MYOM2: variants seen among roughly 807,000 people sequenced by gnomAD.
MYOM2 encodes myomesin-2.
A neutral mutation model predicts 187.6 loss-of-function variants in MYOM2; 254 were observed. That is an observed-to-expected ratio of 1.35 (90% CI 1.22 to 1.50). The LOEUF is 1.50. MYOM2 is among the 40% of genes most tolerant of loss of function. The pLI is 0.00. For missense variants in MYOM2, 2,796 were observed against 1,924.0 expected (o/e 1.45, Z -8.48); for synonymous variants, 981 against 753.8 (o/e 1.30, Z -4.94).
At chr8:2,126,336 G>A (rs1464030994) in intron 31 of MYOM2, among the ~76,000 whole-genome samples, 4 of 151,464 alleles carry the variant, frequency 2.6e-5, no homozygotes, top group Admixed American at 6.6e-5. Context: ...TGGAAGAAGT[G>A]GAAGGCATGT....
chr8:2,122,779 T>A (rs1797500832), intron 28 of MYOM2, among the ~76,000 whole-genome samples: 1 of 152,242 alleles, frequency 6.6e-6, no homozygotes, highest in Non-Finnish European at 1.5e-5. Context: ...GGGAAGGTCC[T>A]CACCTCTAGT....
At chr8:2,117,656 A>G (rs1797293754) in intron 27 of MYOM2, among the ~76,000 whole-genome samples, 1 of 152,184 alleles carries the variant, frequency 6.6e-6, no homozygotes, top group African/African-American at 2.4e-5. Flanking sequence ...CCAGTGGAGA[A>G]TCAGTGTTAA....
intron 11 of MYOM2, among the ~76,000 whole-genome samples, chr8:2,078,291 C>T (rs887201810): frequency 3.3e-5 from 5 of 152,132 alleles, no homozygotes; most frequent in East Asian, 3.9e-4. Flanking sequence ...CAGAGTGGGA[C>T]GGGAGCTGGA....
At chr8:2,127,553 G>A (rs1042343506) in intron 31 of MYOM2, among the ~76,000 whole-genome samples, 3 of 152,246 alleles carry the variant, frequency 2.0e-5, no homozygotes, top group Non-Finnish European at 4.4e-5. Flanking sequence ...GGTTTAGGGA[G>A]GTGTGGAAGT....
chr8:2,092,262 C>T (rs575100139), intron 15 of MYOM2, 84 bp from the exon 16 acceptor site: 3 of 1,492,108 alleles, frequency 2.0e-6, no homozygotes, highest in African/African-American at 1.4e-5. Flanking sequence ...TGTCCAGTTC[C>T]CTGTGAAAAG....
At chr8:2,088,662 C>T (rs952332481) in intron 14 of MYOM2, among the ~76,000 whole-genome samples, 29 of 152,320 alleles carry the variant, frequency 1.9e-4, no homozygotes, top group Non-Finnish European at 3.4e-4. Flanking sequence ...TTTCTCTCTG[C>T]GGTCCACCAT....
chr8:2,077,339 AAAAC>A (rs1218854689), intron 11 of MYOM2, among the ~76,000 whole-genome samples: 1 of 152,150 alleles, frequency 6.6e-6, no homozygotes, highest in Non-Finnish European at 1.5e-5. Context: ...AAAAAACAAA[AAAAC>A]AAAACAAAAA....
At chr8:2,079,459 C>T (rs912299504) in intron 12 of MYOM2, 101 bp from the exon 13 acceptor site, 24 of 1,133,842 alleles carry the variant, frequency 2.1e-5, no homozygotes, top group Non-Finnish European at 3.1e-5. Context: ...AGGTTGTAGT[C>T]CTAATGCAGA....
chr8:2,063,656 T>TTTGTTAAAACAAATATAATTTAATTTG, intron 6 of MYOM2, among the ~76,000 whole-genome samples: 1 of 152,236 alleles, frequency 6.6e-6, no homozygotes, highest in Non-Finnish European at 1.5e-5. Context: ...TAAATTTTGA[T>TTTGTTAAAACAAATATAATTTAATTTG]TTAATTAAAT....
intron 32 of MYOM2, 98 bp from the exon 33 acceptor site, chr8:2,140,625 T>C: frequency 8.0e-7 from 1 of 1,246,370 alleles, no homozygotes; most frequent in Non-Finnish European, 1.1e-6. Flanking sequence ...ATCAGCAGCT[T>C]AGAGAAGGCT....
chr8:2,095,199 T>A (rs913005610), intron 17 of MYOM2, among the ~76,000 whole-genome samples: 2 of 152,218 alleles, frequency 1.3e-5, no homozygotes, highest in Admixed American at 1.3e-4. Flanking sequence ...CTCTTTTGTT[T>A]TAAGATTAAT....
intron 3 of MYOM2, among the ~76,000 whole-genome samples, chr8:2,056,138 C>A (rs553268545): frequency 5.3e-4 from 80 of 152,276 alleles, no homozygotes; most frequent in Admixed American, 1.0e-3. Flanking sequence ...AAAATGTATG[C>A]AAATTACGAT....
At chr8:2,052,980 G>A (rs368756180) in intron 3 of MYOM2, among the ~76,000 whole-genome samples, 39 of 152,182 alleles carry the variant, frequency 2.6e-4, no homozygotes, top group Non-Finnish European at 5.1e-4. Context: ...TCCAGATGAC[G>A]GAGAAACAGG....
intron 10 of MYOM2, 28 bp downstream of exon 10, chr8:2,073,528 A>G (rs1350997886): frequency 2.6e-6 from 4 of 1,563,228 alleles, no homozygotes; most frequent in Admixed American, 1.8e-5. Flanking sequence ...CTCAGGGTGC[A>G]GACCTTGTGT....
At chr8:2,102,410 T>A (rs1796738945) in intron 20 of MYOM2, 1 of 394,032 alleles carries the variant, frequency 2.5e-6, no homozygotes, top group African/African-American at 2.0e-5. Context: ...ATTTTACTTC[T>A]GCTTTAAAAT....
chr8:2,089,663 T>C (rs1162905082), intron 14 of MYOM2, among the ~76,000 whole-genome samples: 1 of 152,258 alleles, frequency 6.6e-6, no homozygotes, highest in Non-Finnish European at 1.5e-5. Context: ...TTTATGAATA[T>C]ACTTCTAAAT....
chr8:2,072,489 G>T lies in MYOM2; in HGVS notation c.938G>T (p.Arg313Leu), dbSNP rs759987270. Residue 313 changes from arginine to leucine, a missense_variant, in exon 9 of 37, where the codon CGC becomes CTC. Transcript: ENST00000262113. Reference sequence around the variant, plus strand: ...CCGGACCTGAAGCGGGTGCAGCCGCGCGCCGAGTGGTACCGCGATGGTGAG... The same window carrying T: ...CCGGACCTGAAGCGGGTGCAGCCGCTCGCCGAGTGGTACCGCGATGGTGAG... Reference protein sequence around the residue: ...VTPDLKRVQPRAEWYRDDVLL... With the variant: ...VTPDLKRVQPLAEWYRDDVLL... 4 of 1,613,634 alleles carry T rather than the reference G, an allele frequency of 2.5e-6. No individual in the cohort carries two copies. In the South Asian group the frequency reaches 3.3e-5, roughly 13 times the overall value.
chr8:2,046,303 A>T (rs1381635810), intron 1 of MYOM2, among the ~76,000 whole-genome samples: 2 of 152,226 alleles, frequency 1.3e-5, no homozygotes, highest in Non-Finnish European at 2.9e-5. Context: ...GATATCAGAC[A>T]CGTGGTCCCC....
In MYOM2 at chr8:2,094,023, C is replaced by T. The variant is rs200113883; in HGVS notation, c.2057C>T (p.Ala686Val). Residue 686 changes from alanine (A) to valine (V), a missense_variant, in exon 17 of 37, where the codon GCG (alanine) becomes GTG (valine). Ala to Val is a moderately conservative substitution (Grantham distance 64, BLOSUM62 0). Transcript: ENST00000262113. ...GAGCAGTACATCTTCCGAGTCAAGG[C>T]GGTCAATGCTGTGGGGATGAGTGAA... is the stretch of plus-strand genomic sequence containing the variant. ...TGEQYIFRVK[A>V]VNAVGMSENS... 26 of 1,614,094 alleles carry T rather than the reference C, an allele frequency of 1.6e-5. No homozygotes were observed. The highest frequency in any genetic ancestry group is 7.7e-5 in the South Asian group (7 of 91,086).
Sources: allele counts gnomAD v4.1 joint callset (sites outside exome capture counted in the v4.1 genomes callset), GRCh38; gene constraint gnomAD v4.1.1; transcripts MANE v1.5; gene names NCBI Gene and HGNC (gene_info 2026-07-23, HGNC 2026-07-21).